The following TMEM114 variants were observed in gnomAD, a reference collection of about 807,000 sequenced individuals.
The protein encoded by TMEM114 is transmembrane protein 114.
TMEM114 carries 6 observed loss-of-function variants against 6.2 expected under a neutral mutation model. That is an observed-to-expected ratio of 0.97 (90% CI 0.53 to 1.91). The LOEUF (loss-of-function observed/expected upper bound fraction) is 1.91, where lower values mean the gene tolerates loss of function less well. Among genes scored for constraint, TMEM114 ranks in the 40% most tolerant of loss-of-function variants. The pLI, the probability that TMEM114 is intolerant of heterozygous loss-of-function variation, is 0.01. For missense variants in TMEM114, 218 were observed against 158.3 expected, an observed-to-expected ratio of 1.38 and a Z score of -2.02; for synonymous variants, 104 against 73.0, an observed-to-expected ratio of 1.42 and a Z score of -2.16.
chr16:8,531,051 G>A, the TMEM114 span, among the ~76,000 whole-genome samples: 1 of 152,090 alleles, frequency 6.6e-6, no homozygotes, highest in Non-Finnish European at 1.5e-5. Context: ...GAAGAAGGAA[G>A]GGAGGGAGGG....
At chr16:8,585,308 A>G (rs547598576) in intron 2 of TMEM114, among the ~76,000 whole-genome samples, 167 of 152,348 alleles carry the variant, frequency 1.1e-3, no homozygotes, top group African/African-American at 3.8e-3. Context: ...AAATCACATC[A>G]GGAGGCAAGT....
chr16:8,542,469 A>G (rs888648511), intron 2 of TMEM114, among the ~76,000 whole-genome samples: 22 of 152,178 alleles, frequency 1.4e-4, no homozygotes, highest in Non-Finnish European at 3.1e-4. Context: ...GAAAACTTTC[A>G]TATCTGATTT....
intron 2 of TMEM114, among the ~76,000 whole-genome samples, chr16:8,547,334 G>T (rs372709511): frequency 1.3e-5 from 2 of 151,872 alleles, no homozygotes; most frequent in Non-Finnish European, 1.5e-5. Context: ...GCCCTTCCTT[G>T]TCCTGAAATG....
intron 2 of TMEM114, among the ~76,000 whole-genome samples, chr16:8,564,094 T>C (rs569770030): frequency 2.3e-4 from 35 of 150,998 alleles, no homozygotes; most frequent in Non-Finnish European, 2.4e-4. Context: ...AGTGAGTGAG[T>C]GAATGAGTGA....
intron 2 of TMEM114, among the ~76,000 whole-genome samples, chr16:8,560,422 C>T (rs901227472): frequency 1.3e-5 from 2 of 152,130 alleles, no homozygotes; most frequent in East Asian, 1.9e-4. Flanking sequence ...TTGGAACTTG[C>T]CCTGGAATCT....
chr16:8,587,983 AT>A (rs1902367133), intron 2 of TMEM114, among the ~76,000 whole-genome samples: 2 of 151,854 alleles, frequency 1.3e-5, no homozygotes, highest in South Asian at 4.2e-4. Flanking sequence ...TATGTTTCCT[AT>A]CACTATTAAA....
At chr16:8,566,812 C>T (rs756027477), downstream of TMEM114, among the ~76,000 whole-genome samples, 3 of 151,708 alleles carry the variant, frequency 2.0e-5, no homozygotes, top group Non-Finnish European at 4.4e-5. Context: ...GGTCTCAGCA[C>T]AATGTCACCT....
chr16:8,555,723 C>G (rs1265450319), intron 2 of TMEM114, among the ~76,000 whole-genome samples: 1 of 152,152 alleles, frequency 6.6e-6, no homozygotes, highest in Admixed American at 6.5e-5. Flanking sequence ...CAGGGGACAC[C>G]TGGCAATATC....
At chr16:8,543,292 T>C (rs1416826465) in intron 2 of TMEM114, among the ~76,000 whole-genome samples, 2 of 152,196 alleles carry the variant, frequency 1.3e-5, no homozygotes, top group African/African-American at 4.8e-5. Flanking sequence ...TAAATTATTT[T>C]ATCGTTCCCC....
chr16:8,552,755 T>C (rs1900886177), intron 2 of TMEM114, among the ~76,000 whole-genome samples: 1 of 150,240 alleles, frequency 6.7e-6, no homozygotes, highest in Non-Finnish European at 1.5e-5. Flanking sequence ...TACCTGCTCC[T>C]GAATTCTCTA....
At chr16:8,553,570 C>G (rs1220566083) in intron 2 of TMEM114, among the ~76,000 whole-genome samples, 1 of 152,144 alleles carries the variant, frequency 6.6e-6, no homozygotes, top group Non-Finnish European at 1.5e-5. Flanking sequence ...ACTGCAAGCT[C>G]CACCTCCTGG....
At chr16:8,572,708 T>G (rs994105492) in intron 2 of TMEM114, among the ~76,000 whole-genome samples, 2 of 152,226 alleles carry the variant, frequency 1.3e-5, no homozygotes, top group African/African-American at 4.8e-5. Flanking sequence ...AGTGCTGGCA[T>G]TACAGGTGTG....
At chr16:8,564,025 G>C (rs531656427) in intron 2 of TMEM114, among the ~76,000 whole-genome samples, 1 of 151,274 alleles carries the variant, frequency 6.6e-6, no homozygotes, top group Non-Finnish European at 1.5e-5. Flanking sequence ...ATGTGAATGA[G>C]TAAATGAGTG....
At chr16:8,564,738 G>T (rs1447316813), downstream of TMEM114, among the ~76,000 whole-genome samples, 3 of 134,244 alleles carry the variant, frequency 2.2e-5, no homozygotes, top group African/African-American at 8.3e-5. Context: ...AGTGAGGGAG[G>T]GAGGGAATGA....
At chr16:8,571,197 C>T (rs938402029) in intron 3 of TMEM114, among the ~76,000 whole-genome samples, 3 of 151,970 alleles carry the variant, frequency 2.0e-5, no homozygotes, top group African/African-American at 2.4e-5. Flanking sequence ...GTGCCAGGTC[C>T]CATTTTTCAA....
intron 2 of TMEM114, among the ~76,000 whole-genome samples, chr16:8,538,817 G>A (rs1596464571): frequency 6.6e-6 from 1 of 152,174 alleles, no homozygotes; most frequent in African/African-American, 2.4e-5. Context: ...GCCGTGCTGT[G>A]TTTTTATGTT....
At chr16:8,555,572 G>T (rs935502647) in intron 2 of TMEM114, among the ~76,000 whole-genome samples, 1 of 152,108 alleles carries the variant, frequency 6.6e-6, no homozygotes, top group Admixed American at 6.5e-5. Context: ...TGCGTCTTTT[G>T]GTTCCTCGTC....
At chr16:8,571,990 C>A in intron 3 of TMEM114, 97 bp downstream of exon 3, 1 of 1,377,472 alleles carries the variant, frequency 7.3e-7, no homozygotes, top group Non-Finnish European at 9.6e-7. Flanking sequence ...CCCCACGAGG[C>A]CCTGGGATCC....
chr16:8,565,270 T>G (rs567684310), downstream of TMEM114, among the ~76,000 whole-genome samples: 1 of 152,246 alleles, frequency 6.6e-6, no homozygotes, highest in South Asian at 2.1e-4. Flanking sequence ...AACTTATGAA[T>G]GAACAAAGAC....
Sources: allele counts gnomAD v4.1 joint callset (sites outside exome capture counted in the v4.1 genomes callset), GRCh38; gene constraint gnomAD v4.1.1; transcripts MANE v1.5; gene names NCBI Gene and HGNC (gene_info 2026-07-23, HGNC 2026-07-21).